The following LIN28B variants were observed in gnomAD, a reference collection of about 807,000 sequenced individuals.
LIN28B encodes protein lin-28 homolog B.
Under a neutral mutation model 21.9 loss-of-function variants are expected in LIN28B, and 5 were observed. The ratio of observed to expected loss-of-function variants is 0.23; its 90% CI spans 0.12 to 0.48. LIN28B has a LOEUF of 0.48. Among genes scored for constraint, LIN28B ranks in the 20% least tolerant of loss-of-function variants. The pLI is 0.98. For missense variants in LIN28B, 245 were observed against 310.5 expected (o/e 0.79, Z 1.58); for synonymous variants, 109 against 111.3 (o/e 0.98, Z 0.13).
chr6:105,012,972 A>C (rs899781721), intron 2 of LIN28B, among the ~76,000 whole-genome samples: 2 of 152,074 alleles, frequency 1.3e-5, no homozygotes, highest in Admixed American at 6.5e-5. Flanking sequence ...ATCCTCACCA[A>C]CTTTTAAGCC....
chr6:105,048,188 G>A (rs1177416455), intron 3 of LIN28B, among the ~76,000 whole-genome samples: 17 of 152,230 alleles, frequency 1.1e-4, no homozygotes, highest in Admixed American at 5.9e-4. Flanking sequence ...TTTGAGATAC[G>A]TCCCATCAAT....
Position 104,958,128 on chromosome 6 carries a change from C to G in LIN28B, c.40C>G (p.Pro14Ala), listed in dbSNP as rs1407660834. The change falls in exon 2 of 4, where the codon CCC becomes GCC. Residue 14 changes from proline to alanine, a missense_variant. Pro to Ala is a conservative substitution (Grantham distance 27, BLOSUM62 -1). Coordinates refer to ENST00000345080, the MANE Select transcript of LIN28B (RefSeq NM_001004317.4). ...GGCTAGCAAAGGTGGTGGAGAAGAGCCCGGGAAGCTGCCGGAGCCGGCAGA... is the reference window on the plus strand; with the variant it reads ...GGCTAGCAAAGGTGGTGGAGAAGAGGCCGGGAAGCTGCCGGAGCCGGCAGA... Reference protein sequence around the residue: ...GGASKGGGEEPGKLPEPAEEE... With the variant: ...GGASKGGGEEAGKLPEPAEEE... 1 of 1,602,872 alleles carries G rather than the reference C, an allele frequency of 6.2e-7. No homozygotes were observed. The highest frequency in any genetic ancestry group is 1.1e-5 in the South Asian group (1 of 89,544).
intron 3 of LIN28B, among the ~76,000 whole-genome samples, chr6:105,040,450 T>G (rs1183234391): frequency 1.3e-5 from 2 of 152,064 alleles, no homozygotes; most frequent in African/African-American, 4.8e-5. Flanking sequence ...ATTTCTTCTT[T>G]CATGGGAAAA....
intron 3 of LIN28B, among the ~76,000 whole-genome samples, chr6:105,072,052 A>T (rs1772342621): frequency 6.6e-6 from 1 of 151,908 alleles, no homozygotes; most frequent in Non-Finnish European, 1.5e-5. Flanking sequence ...CCCAGTAACA[A>T]AGTCTCAGGA....
chr6:104,953,003 C>T (rs1437663169), upstream of LIN28B, among the ~76,000 whole-genome samples: 1 of 152,208 alleles, frequency 6.6e-6, no homozygotes, highest in Non-Finnish European at 1.5e-5. Flanking sequence ...AGCACCCAGT[C>T]GGGCGCGCCT....
At chr6:105,066,216 G>C (rs1772215870) in intron 3 of LIN28B, among the ~76,000 whole-genome samples, 1 of 152,170 alleles carries the variant, frequency 6.6e-6, no homozygotes, top group Non-Finnish European at 1.5e-5. Flanking sequence ...CTAGTAGTTA[G>C]TAGTAAGTGC....
At chr6:104,990,588 T>G (rs1770442581) in intron 2 of LIN28B, among the ~76,000 whole-genome samples, 1 of 150,756 alleles carries the variant, frequency 6.6e-6, no homozygotes, top group East Asian at 1.9e-4. Flanking sequence ...TTTTTATTGA[T>G]CATTCTTGGG....
In LIN28B at chr6:104,950,532, A is replaced by T. The variant is rs73771030; in HGVS notation, c.67+23A>T. ...CAGGTTAGTCTTTTTTTTTTTTTTT[A>T]AATATTTTGTTTAATTAATGTTTTA... On this transcript the variant is annotated intron_variant, in intron 3 of 5. Coordinates refer to the LIN28B transcript ENST00000635857. 6,673 of 1,070,866 alleles carry T rather than the reference A, an allele frequency of 6.2e-3. 218 individuals carry two copies. The African/African-American group carries it at 0.096, about 15-fold the overall frequency. 66.3% of individuals were successfully genotyped at this position (1,070,866 alleles called of 1,614,324 possible).
chr6:105,020,947 G>A (rs1276344425), intron 2 of LIN28B, among the ~76,000 whole-genome samples: 1 of 151,512 alleles, frequency 6.6e-6, no homozygotes, highest in Non-Finnish European at 1.5e-5. Context: ...AGTAGAAATG[G>A]GGTTTCACCG....
At chr6:105,060,151 C>T (rs959923771) in intron 3 of LIN28B, among the ~76,000 whole-genome samples, 1 of 152,238 alleles carries the variant, frequency 6.6e-6, no homozygotes, top group Non-Finnish European at 1.5e-5. Flanking sequence ...GATCCGCCTG[C>T]CTTGGCCTCC....
At chr6:105,066,116 T>G (rs1562112498) in intron 3 of LIN28B, among the ~76,000 whole-genome samples, 1 of 152,176 alleles carries the variant, frequency 6.6e-6, no homozygotes, top group African/African-American at 2.4e-5. Context: ...TAGGCTGTAG[T>G]GAGCTGTGAT....
intron 2 of LIN28B, chr6:104,939,202 A>G (rs1375601838): frequency 6.6e-6 from 1 of 152,224 alleles, no homozygotes; most frequent in Non-Finnish European, 1.5e-5. Context: ...CAATGTCCAC[A>G]TCTTTTTCCT....
intron 2 of LIN28B, among the ~76,000 whole-genome samples, chr6:104,991,313 G>C (rs1037352373): frequency 8.6e-5 from 13 of 150,938 alleles, no homozygotes; most frequent in Non-Finnish European, 1.5e-4. Context: ...GCTGCCGCGC[G>C]GAGGGGCTCC....
intron 2 of LIN28B, among the ~76,000 whole-genome samples, chr6:104,993,461 T>G (rs2114274779): frequency 6.6e-6 from 1 of 152,108 alleles, no homozygotes; most frequent in Non-Finnish European, 1.5e-5. Context: ...ACAAGACCCT[T>G]TCTCAAAAAA....
At chr6:104,987,555 G>A (rs896141503) in intron 2 of LIN28B, among the ~76,000 whole-genome samples, 4 of 151,988 alleles carry the variant, frequency 2.6e-5, no homozygotes, top group Non-Finnish European at 5.9e-5. Context: ...TGAACTCCTG[G>A]GCTCAAGCAG....
chr6:105,072,760 G>A (rs1306975631), intron 3 of LIN28B, among the ~76,000 whole-genome samples: 2 of 152,122 alleles, frequency 1.3e-5, no homozygotes, highest in African/African-American at 2.4e-5. Flanking sequence ...ATTTGGTTAT[G>A]AGAAGAATGA....
chr6:105,070,959 C>T (rs1324153697), intron 3 of LIN28B, among the ~76,000 whole-genome samples: 1 of 152,106 alleles, frequency 6.6e-6, no homozygotes, highest in Non-Finnish European at 1.5e-5. Context: ...TCACTGCAAC[C>T]TCTGCCTCCT....
chr6:104,946,997 G>A (rs956481344), intron 2 of LIN28B, among the ~76,000 whole-genome samples: 5 of 152,034 alleles, frequency 3.3e-5, no homozygotes, highest in African/African-American at 1.2e-4. Context: ...AGTAAATTTT[G>A]CATTTGTTAG....
intron 3 of LIN28B, among the ~76,000 whole-genome samples, chr6:105,064,515 T>C (rs1470231297): frequency 6.6e-6 from 1 of 152,190 alleles, no homozygotes; most frequent in East Asian, 1.9e-4. Flanking sequence ...GGGTTCCAGA[T>C]GTTTTCCACT....
Sources: gnomAD v4.1 joint callset for allele counts (sites outside exome capture counted in the v4.1 genomes callset) on GRCh38, gnomAD v4.1.1 for gene constraint, MANE v1.5 for transcripts, NCBI Gene and HGNC (gene_info 2026-07-23, HGNC 2026-07-21) for gene names.